The following GLIS3 variants were observed in gnomAD, a reference collection of about 807,000 sequenced individuals.
GLIS3 encodes the protein GLIS family zinc finger 3.
In GLIS3, 53 loss-of-function variants were observed where a neutral mutation model predicts 78.6. That is an observed-to-expected ratio of 0.67 (90% confidence interval 0.54 to 0.85). The LOEUF is 0.85. Among genes scored for constraint, GLIS3 ranks in the 40% least tolerant of loss-of-function variants. The pLI, the probability that GLIS3 is intolerant of heterozygous loss-of-function variation, is 0.00. For missense variants in GLIS3, 1,703 were observed against 1,231.1 expected (o/e 1.38, Z -5.74); for synonymous variants, 684 against 509.9 (o/e 1.34, Z -4.60).
chr9:3,838,889 G>A (rs543245419), intron 9 of GLIS3, among the ~76,000 whole-genome samples: 3 of 152,124 alleles, frequency 2.0e-5, no homozygotes, highest in South Asian at 2.1e-4. Context: ...TGTAATCCAC[G>A]ACAGACCCAA....
chr9:4,013,484 C>G (rs1822200630), intron 4 of GLIS3, among the ~76,000 whole-genome samples: 1 of 152,154 alleles, frequency 6.6e-6, no homozygotes, highest in Admixed American at 6.5e-5. Context: ...ATGACTGTAG[C>G]ATTTAAAGAA....
chr9:4,347,495 C>A (rs919586262), intron 1 of GLIS3, among the ~76,000 whole-genome samples: 1 of 152,162 alleles, frequency 6.6e-6, no homozygotes, highest in Non-Finnish European at 1.5e-5. Context: ...ATGCAGATTC[C>A]TACACCCACT....
rs1826032316 is a variant in GLIS3 at position 4,266,601 on chromosome 9, C to CGT, written c.388+19436_388+19437insAC. 7.1e-5 allele frequency among the ~76,000 whole-genome samples: 6 copies of CGT among 84,006 alleles called. No homozygotes were observed. In the South Asian group the frequency reaches 9.7e-4, roughly 14 times the overall value. The allele number at this position is 84,006 out of a possible 152,430, so 55.1% of individuals were successfully genotyped here. A position where few individuals can be genotyped will look rare whatever the true frequency, so the allele number is the denominator to read the frequency against. ...TTACACATGCATGCGCGTGTACACACACACACACACACACACACACACACA... is the reference window on the plus strand; with the variant it reads ...TTACACATGCATGCGCGTGTACACACGTACACACACACACACACACACACACA... On this transcript the variant is annotated intron_variant, in intron 2 of 10. Transcript: ENST00000381971.
chr9:4,331,356 A>G (rs1270118030), intron 2 of GLIS3, among the ~76,000 whole-genome samples: 1 of 151,522 alleles, frequency 6.6e-6, no homozygotes, highest in Non-Finnish European at 1.5e-5. Flanking sequence ...ACTTTTATCC[A>G]CTACAACCTC....
chr9:4,080,121 C>T (rs1163811098), intron 4 of GLIS3, among the ~76,000 whole-genome samples: 1 of 152,210 alleles, frequency 6.6e-6, no homozygotes, highest in Non-Finnish European at 1.5e-5. Context: ...ACCCCCCTGG[C>T]TTTATGACTG....
intron 4 of GLIS3, among the ~76,000 whole-genome samples, chr9:4,078,455 A>G (rs771581038): frequency 2.0e-5 from 3 of 152,158 alleles, no homozygotes; most frequent in Non-Finnish European, 4.4e-5. Flanking sequence ...CTGTAACAAT[A>G]TAATTCTTCT....
At chr9:4,029,997 TTTTG>T (rs1461786774) in intron 4 of GLIS3, among the ~76,000 whole-genome samples, 1 of 152,136 alleles carries the variant, frequency 6.6e-6, no homozygotes, top group Admixed American at 6.5e-5. Context: ...GTGGCTCAAT[TTTTG>T]TTTTTTTGAG....
At chr9:4,015,205 G>C (rs1173268825) in intron 4 of GLIS3, among the ~76,000 whole-genome samples, 2 of 152,196 alleles carry the variant, frequency 1.3e-5, no homozygotes, top group African/African-American at 4.8e-5. Context: ...TGGCATGGAA[G>C]GCCGTGTGTG....
At chr9:4,480,961 C>A in the GLIS3 span, among the ~76,000 whole-genome samples, 1 of 151,754 alleles carries the variant, frequency 6.6e-6, no homozygotes, top group Non-Finnish European at 1.5e-5. Context: ...TTCAAGTGGT[C>A]CTCCCACCTC....
chr9:4,278,633 A>G (rs921599879), intron 2 of GLIS3, among the ~76,000 whole-genome samples: 1 of 152,250 alleles, frequency 6.6e-6, no homozygotes, highest in East Asian at 1.9e-4. Context: ...TAAACATAGC[A>G]GGAATAAAAG....
intron 9 of GLIS3, chr9:3,855,626 G>GTGGACCTATGAGAATGAGAGCAAAA (rs1819731017): frequency 1.8e-5 from 6 of 327,628 alleles, no homozygotes; most frequent in Non-Finnish European, 3.6e-5. Context: ...CGGAGAGGAT[G>GTGGACCTATGAGAATGAGAGCAAAA]TGGACCTATG....
rs189262679 is a variant in GLIS3, at chr9:4,200,831, G to C, written c.389-74890C>G. On this transcript the variant is annotated intron_variant, in intron 2 of 10. Transcript: ENST00000381971. ...AAGTGGAACGACTCCTGCCTAACTCGTTCTATGATGCAAGGATCACCTTGA... is the reference window on the plus strand; with the variant it reads ...AAGTGGAACGACTCCTGCCTAACTCCTTCTATGATGCAAGGATCACCTTGA... 2.6e-5 allele frequency among the ~76,000 whole-genome samples: 4 copies of C among 152,032 alleles called. No homozygotes were observed. The East Asian group carries it at 5.8e-4, about 22-fold the overall frequency.
At chr9:4,435,829 G>T in the GLIS3 span, among the ~76,000 whole-genome samples, 1 of 152,106 alleles carries the variant, frequency 6.6e-6, no homozygotes, top group East Asian at 1.9e-4. Context: ...GGCTCCTGTA[G>T]TCCCAGCTAC....
chr9:3,872,862 C>G (rs1821056102), intron 8 of GLIS3, among the ~76,000 whole-genome samples: 1 of 151,932 alleles, frequency 6.6e-6, no homozygotes. Context: ...AAACATACCT[C>G]AAAGAACTAG....
rs543803992 is a variant in GLIS3 at position 4,332,476 on chromosome 9, C to G, written n.264+14605G>C. ...GTTCCAGTACACAGAATCTTTTTCA[C>G]AAAACCACTTACTTTTGTCTTCCTC... On this transcript the variant is annotated intron_variant and non_coding_transcript_variant, in intron 2 of 4. Transcript: ENST00000471664. 2.6e-5 allele frequency among the ~76,000 whole-genome samples: 4 copies of G among 152,324 alleles called. No homozygotes were observed. The East Asian group carries it at 7.7e-4, about 29-fold the overall frequency.
At position 3,827,686 on chromosome 9, in the gene GLIS3, A is replaced by G. The variant is rs1273358340; in HGVS notation, c.*586T>C. The G allele has an allele frequency of 6.4e-6, 1 of 156,464 alleles. No individual in the cohort carries two copies. The highest frequency in any genetic ancestry group is 1.4e-5 in the Non-Finnish European group (1 of 70,346). 9.7% of individuals were successfully genotyped at this position (156,464 alleles called of 1,614,324 possible). On this transcript the variant is annotated 3_prime_UTR_variant, in exon 11 of 11. Transcript: ENST00000381971. ...ACAAGGATAGGCTGCTGGCATATAA[A>G]ACCTTATTTTTCTATTGAAGAGAAA...
Position 3,998,227 on chromosome 9 carries a change from G to C in GLIS3, c.1711-61038C>G, listed in dbSNP as rs149188286. On this transcript the variant is annotated intron_variant, in intron 4 of 10. Transcript: ENST00000381971. The stretch of plus-strand genomic sequence containing the variant: ...CTGGAAGTAGCCATTTGTATAAAAA[G>C]TACTGTTTCCTTTGGGTAGAAAACG... 2.8e-3 allele frequency among the ~76,000 whole-genome samples: 420 copies of C among 152,248 alleles called. 2 individuals are homozygous for C. The highest frequency in any genetic ancestry group is 4.4e-3 in the Non-Finnish European group (297 of 68,014).
intron 4 of GLIS3, among the ~76,000 whole-genome samples, chr9:3,962,189 C>T (rs1817611344): frequency 6.6e-6 from 1 of 152,014 alleles, no homozygotes; most frequent in Non-Finnish European, 1.5e-5. Context: ...CACTGCACTT[C>T]ATCTTGGGGA....
At chr9:4,286,796 C>G (rs1435913555) in intron 1 of GLIS3, among the ~76,000 whole-genome samples, 1 of 152,178 alleles carries the variant, frequency 6.6e-6, no homozygotes. Context: ...CAACAATCTA[C>G]TGGTGCCAGC....
Sources: allele counts gnomAD v4.1 joint callset (sites outside exome capture counted in the v4.1 genomes callset), GRCh38; gene constraint gnomAD v4.1.1; transcripts MANE v1.5; gene names NCBI Gene and HGNC (gene_info 2026-07-23, HGNC 2026-07-21).